The following ODF2 variants were observed in gnomAD, a reference collection of about 807,000 sequenced individuals.
ODF2 encodes outer dense fiber of sperm tails 2.
ODF2 carries 47 observed loss-of-function variants against 110.2 expected under a neutral mutation model. The observed-to-expected ratio is 0.43, with a 90% CI of 0.34 to 0.54. ODF2 has a LOEUF of 0.54. Among genes scored for constraint, ODF2 ranks in the 20% least tolerant of loss-of-function variants. ODF2 has a pLI of 0.03. For synonymous variants in ODF2, 352 were observed against 397.7 expected (o/e 0.89, Z 1.37); for missense variants, 812 against 1,054.5 (o/e 0.77, Z 3.19).
intron 4 of ODF2, chr9:128,461,290 C>T (rs957613300): frequency 1.8e-6 from 1 of 548,494 alleles, no homozygotes; most frequent in Non-Finnish European, 3.2e-6. Flanking sequence ...AGGAACCAGA[C>T]CTCAGAGAGA....
At chr9:128,456,677 A>G (rs1038998427) in intron 1 of ODF2, 1 of 1,430,448 alleles carries the variant, frequency 7.0e-7, no homozygotes. Flanking sequence ...TCGGGCCTCC[A>G]CATGGCAGTC....
intron 4 of ODF2, chr9:128,468,872 G>T: frequency 3.6e-6 from 1 of 281,182 alleles, no homozygotes. Flanking sequence ...ATGTTGCTGA[G>T]GCTGGTTTTG....
chr9:128,466,504 C>T (rs746998820), intron 4 of ODF2, among the ~76,000 whole-genome samples: 35 of 151,312 alleles, frequency 2.3e-4, no homozygotes, highest in Non-Finnish European at 4.4e-4. Context: ...GGATGTACAC[C>T]CATCAGAAGT....
intron 8 of ODF2, among the ~76,000 whole-genome samples, chr9:128,476,207 T>A (rs2131859171): frequency 6.6e-6 from 1 of 152,290 alleles, no homozygotes; most frequent in Non-Finnish European, 1.5e-5. Context: ...ACAGTATAAA[T>A]GGTTGTCTCC....
intron 2 of ODF2, among the ~76,000 whole-genome samples, chr9:128,458,939 G>A (rs928407743): frequency 1.3e-5 from 2 of 152,034 alleles, no homozygotes; most frequent in African/African-American, 4.8e-5. Context: ...CCACCTCCCA[G>A]GCTTAATTGA....
At chr9:128,482,769 C>A in intron 9 of ODF2, 47 bp from the exon 10 acceptor site, 1 of 1,508,702 alleles carries the variant, frequency 6.6e-7, no homozygotes, top group Non-Finnish European at 9.2e-7. Context: ...TGGGCCGGGC[C>A]TCTTTGCCCT....
chr9:128,497,442 AAAAAATAT>A (rs1303927303), intron 18 of ODF2: 8 of 83,216 alleles, frequency 9.6e-5, no homozygotes, highest in African/African-American at 5.8e-4. Context: ...AAAAAAAAAA[AAAAAATAT>A]ATATATATAT....
chr9:128,459,588 C>G, exon 3 of ODF2: 1 of 1,613,886 alleles, frequency 6.2e-7, no homozygotes, highest in South Asian at 1.1e-5. Flanking sequence ...GTGGGAAGAA[C>G]GGAGTAACGA....
chr9:128,475,569 A>C (rs987797415), intron 8 of ODF2, among the ~76,000 whole-genome samples: 2 of 152,072 alleles, frequency 1.3e-5, no homozygotes, highest in Non-Finnish European at 2.9e-5. Flanking sequence ...GAAATCTTAT[A>C]TCCTTGACCA....
chr9:128,486,053 A>G (rs1183154367), intron 13 of ODF2, among the ~76,000 whole-genome samples: 1 of 152,088 alleles, frequency 6.6e-6, no homozygotes, highest in Non-Finnish European at 1.5e-5. Context: ...AAAAACATAT[A>G]TTGAGCATCT....
intron 3 of ODF2, chr9:128,460,299 G>A (rs747608463): frequency 2.1e-6 from 3 of 1,396,694 alleles, no homozygotes; most frequent in African/African-American, 1.4e-5. Flanking sequence ...TTCTGGAACG[G>A]GTGGGTCTTG....
exon 5 of ODF2, chr9:128,469,319 G>T (rs1473698073): frequency 3.1e-6 from 5 of 1,614,166 alleles, no homozygotes; most frequent in Non-Finnish European, 4.2e-6. Context: ...AAGATTGATA[G>T]TCTAATGAAT....
At chr9:128,484,915 A>G in intron 12 of ODF2, 29 bp downstream of exon 12, 1 of 1,603,090 alleles carries the variant, frequency 6.2e-7, no homozygotes, top group Non-Finnish European at 8.5e-7. Context: ...CCAGCTCCTC[A>G]CCTGCCCTGA....
chr9:128,475,108 C>CTA (rs76592710), intron 8 of ODF2, among the ~76,000 whole-genome samples: 1 of 152,192 alleles, frequency 6.6e-6, no homozygotes, highest in African/African-American at 2.4e-5. Flanking sequence ...CACCTATAGA[C>CTA]TTTTTCTTGA....
chr9:128,457,853 A>G (rs1313455102), intron 2 of ODF2, among the ~76,000 whole-genome samples: 1 of 151,788 alleles, frequency 6.6e-6, no homozygotes, highest in Non-Finnish European at 1.5e-5. Context: ...TACGTGAACA[A>G]TGTTCTAAAT....
At chr9:128,477,390 C>T (rs890700746) in intron 8 of ODF2, among the ~76,000 whole-genome samples, 7 of 151,416 alleles carry the variant, frequency 4.6e-5, no homozygotes, top group South Asian at 2.1e-4. Context: ...CTGTACAAAA[C>T]ATTTTAAATT....
chr9:128,469,908 C>T lies in ODF2; in HGVS notation c.420+555C>T, dbSNP rs559805568. ...CTGAGGTGGTAGAATTGCTTGAACC[C>T]AGGAGCCAGAGGTTGCAGTGAGCTG... On this transcript the variant is annotated intron_variant, in intron 5 of 20. Coordinates refer to ENST00000604420, the Ensembl canonical transcript of ODF2. 1.4e-3 allele frequency among the ~76,000 whole-genome samples: 183 copies of T among 135,474 alleles called. 1 individual carries two copies. The highest frequency in any genetic ancestry group is 4.8e-3 in the African/African-American group (171 of 35,748). 88.9% of individuals were successfully genotyped at this position (135,474 alleles called of 152,430 possible).
intron 20 of ODF2, 122 bp from the exon 21 acceptor site, chr9:128,499,945 A>G: frequency 1.1e-6 from 1 of 891,814 alleles, no homozygotes. Context: ...CATACCCATT[A>G]GAAGTCACTC....
chr9:128,460,988 G>C (rs774498958), exon 4 of ODF2: 1 of 1,614,158 alleles, frequency 6.2e-7, no homozygotes. Context: ...AATGTGCGGC[G>C]GAGTGTCCGG....
Sources: gnomAD v4.1 joint callset for allele counts (sites outside exome capture counted in the v4.1 genomes callset) on GRCh38, gnomAD v4.1.1 for gene constraint, MANE v1.5 for transcripts, NCBI Gene and HGNC (gene_info 2026-07-23, HGNC 2026-07-21) for gene names.